The following DDT variants were observed in gnomAD, a reference collection of about 807,000 sequenced individuals.
DDT encodes D-dopachrome tautomerase.
Under a neutral mutation model 2.5 loss-of-function variants are expected in DDT, and 4 were observed. The ratio of observed to expected loss-of-function variants is 1.59; its 90% CI spans 0.78 to 3.63. DDT has a LOEUF of 3.63. Among genes scored for constraint, DDT ranks in the 30% most tolerant of loss-of-function variants. The probability of loss-of-function intolerance (pLI) is 0.01; values close to 1 mark genes in which losing one functional copy is unlikely to be tolerated. For synonymous variants in DDT, 11 were observed against 10.0 expected (o/e 1.10, Z -0.19); for missense variants, 32 against 30.0 (o/e 1.07, Z -0.15).
At chr22:23,972,532 G>C (rs912377738) in intron 2 of DDT, 4 of 726,176 alleles carry the variant, frequency 5.5e-6, no homozygotes, top group East Asian at 2.1e-4. Context: ...ATAATGACAA[G>C]GAATAAAGTC....
Position 23,971,450 on chromosome 22 carries a change from G to A in DDT, c.*101C>T. ...TGTGATCACAGGAATGTTGCATGCG[G>A]GATAATCCAAAGCTGGTTATCTCCA... On this transcript the variant is annotated 3_prime_UTR_variant, in exon 3 of 3. Coordinates refer to ENST00000398344, the MANE Select transcript of DDT (RefSeq NM_001084392.3). The A allele has an allele frequency of 6.2e-7, 1 of 1,608,008 alleles. No homozygotes were observed. The highest frequency in any genetic ancestry group is 1.1e-5 in the South Asian group (1 of 90,430).
intron 2 of DDT, 148 bp from the exon 3 acceptor site, chr22:23,971,771 A>G: frequency 1.4e-6 from 1 of 691,124 alleles, no homozygotes; most frequent in South Asian, 1.9e-5. Context: ...CCCAATAATG[A>G]TTTTCCCCAA....
intron 2 of DDT, chr22:23,972,302 G>C (rs1408474682): frequency 4.2e-5 from 34 of 818,342 alleles, no homozygotes; most frequent in Non-Finnish European, 4.8e-5. Context: ...TATAACACTT[G>C]TTGTTAGAGT....
intron 2 of DDT, chr22:23,972,786 A>C: frequency 2.1e-6 from 1 of 480,998 alleles, no homozygotes; most frequent in Non-Finnish European, 2.5e-6. Context: ...CACAGGATGG[A>C]GTGCAATGCG....
intron 2 of DDT, chr22:23,972,311 G>A: frequency 1.2e-6 from 1 of 801,740 alleles, no homozygotes; most frequent in African/African-American, 1.9e-5. Context: ...TGTTGTTAGA[G>A]TAACAGTTTT....
chr22:23,973,164 TG>T, intron 2 of DDT: 3 of 18,928 alleles, frequency 1.6e-4, no homozygotes, highest in Admixed American at 1.0e-3. Flanking sequence ...ACGCTTCTTG[TG>T]GGGGAGGGAG....
rs761962487 is a variant in DDT, at chr22:23,971,435, G to A, written c.*116C>T. 1 of 1,610,478 alleles carries A rather than the reference G, an allele frequency of 6.2e-7. No individual in the cohort carries two copies. The highest frequency in any genetic ancestry group is 8.5e-7 in the Non-Finnish European group (1 of 1,177,746). ...TGAAGAAGAGGATTATGTGATCACA[G>A]GAATGTTGCATGCGGGATAATCCAA... On this transcript the variant is annotated 3_prime_UTR_variant, in exon 3 of 3. Coordinates refer to ENST00000398344, the MANE Select transcript of DDT (RefSeq NM_001084392.3).
chr22:23,972,964 G>A (rs2146211385), intron 2 of DDT: 1 of 12,184 alleles, frequency 8.2e-5, no homozygotes, highest in Non-Finnish European at 2.0e-4. Context: ...TACAACTCCT[G>A]GGTCAAATGA....
In DDT at chr22:23,972,707, C is replaced by T. The variant is rs1223561102; in HGVS notation, c.284+1061G>A. The T allele has an allele frequency of 2.7e-5, 25 of 918,388 alleles. No homozygotes were observed. In the African/African-American group the frequency reaches 4.5e-4, roughly 16 times the overall value. 56.9% of individuals were successfully genotyped at this position (918,388 alleles called of 1,614,324 possible). Reference sequence around the variant, plus strand: ...CCCAGCAGGATCAGCCATTCCTCATCGACCTTCATGGACTAACAAAGGCTC... The same window carrying T: ...CCCAGCAGGATCAGCCATTCCTCATTGACCTTCATGGACTAACAAAGGCTC... On this transcript the variant is annotated intron_variant, in intron 2 of 2. Coordinates refer to ENST00000398344, the MANE Select transcript of DDT (RefSeq NM_001084392.3).
chr22:23,971,493 G>C lies in DDT; in HGVS notation c.*58C>G. On this transcript the variant is annotated 3_prime_UTR_variant, in exon 3 of 3. Transcript: ENST00000398344. Reference sequence around the variant, plus strand: ...TATCTCCAGGCCCTCACTCTGCCAAGAGATCTCTCTGGAAGAAGCAGCCAG... The same window carrying C: ...TATCTCCAGGCCCTCACTCTGCCAACAGATCTCTCTGGAAGAAGCAGCCAG... 6.2e-7 allele frequency: 1 copy of C among 1,609,710 alleles called. No individual in the cohort carries two copies. The highest frequency in any genetic ancestry group is 8.5e-7 in the Non-Finnish European group (1 of 1,177,030).
In DDT at chr22:23,971,431, C is replaced by A. The variant is rs775227001; in HGVS notation, c.*120G>T. 6.2e-7 allele frequency: 1 copy of A among 1,610,854 alleles called. No individual in the cohort carries two copies. Among genetic ancestry groups the A allele is most frequent in the Non-Finnish European group, 8.5e-7 (1 of 1,178,100 alleles). ...AGGATGAAGAAGAGGATTATGTGAT[C>A]ACAGGAATGTTGCATGCGGGATAAT... On this transcript the variant is annotated 3_prime_UTR_variant, in exon 3 of 3. Coordinates refer to ENST00000398344, the MANE Select transcript of DDT (RefSeq NM_001084392.3).
In DDT at chr22:23,971,475, A is replaced by T; in HGVS notation, c.*76T>A. 6.2e-7 allele frequency: 1 copy of T among 1,607,926 alleles called. No individual in the cohort carries two copies. On this transcript the variant is annotated 3_prime_UTR_variant, in exon 3 of 3. Transcript: ENST00000398344. ...GGATAATCCAAAGCTGGTTATCTCC[A>T]GGCCCTCACTCTGCCAAGAGATCTC...
At chr22:23,972,604 GGTT>G (rs1341910789) in intron 2 of DDT, 146 of 1,037,104 alleles carry the variant, frequency 1.4e-4, no homozygotes, top group East Asian at 2.6e-4. Context: ...TTCAATCCAT[GGTT>G]GTTTGAATCA....
chr22:23,971,783 C>T (rs2033909540), intron 2 of DDT, 160 bp from the exon 3 acceptor site: 2 of 664,752 alleles, frequency 3.0e-6, no homozygotes, highest in Admixed American at 2.9e-5. Context: ...TTTCCCCAAC[C>T]CCCAGCAGGG....
intron 2 of DDT, chr22:23,971,906 T>G (rs2033912717): frequency 5.4e-6 from 2 of 371,934 alleles, no homozygotes; most frequent in Admixed American, 8.6e-5. Flanking sequence ...TCCATCAGTT[T>G]GTGTACTGAG....
upstream of DDT, among the ~76,000 whole-genome samples, chr22:23,975,052 G>A (rs1486886481): frequency 7.6e-6 from 1 of 131,472 alleles, no homozygotes; most frequent in Non-Finnish European, 1.7e-5. Context: ...TCTTGTGCCG[G>A]TGGTGAGCCA....
upstream of DDT, among the ~76,000 whole-genome samples, chr22:23,975,014 GT>G (rs1454201914): frequency 1.5e-4 from 16 of 104,604 alleles, no homozygotes; most frequent in Non-Finnish European, 6.3e-5. Context: ...TCCCTGCCTG[GT>G]CCCCATTGAC....
chr22:23,971,921 A>C, intron 2 of DDT: 2 of 297,370 alleles, frequency 6.7e-6, no homozygotes, highest in Non-Finnish European at 1.2e-5. Flanking sequence ...ACTGAGGGGT[A>C]CCCTGCCTCC....
chr22:23,972,438 C>T (rs916300889), intron 2 of DDT: 4 of 143,936 alleles, frequency 2.8e-5, no homozygotes, highest in African/African-American at 7.8e-5. Flanking sequence ...CACACATCCT[C>T]TCATATACTT....
Sources: gnomAD v4.1 joint callset for allele counts (sites outside exome capture counted in the v4.1 genomes callset) on GRCh38, gnomAD v4.1.1 for gene constraint, MANE v1.5 for transcripts, NCBI Gene and HGNC (gene_info 2026-07-23, HGNC 2026-07-21) for gene names.